Variants in RABGAP1L observed in about 807,000 individuals in gnomAD.
RABGAP1L encodes the protein rab GTPase-activating protein 1-like.
A neutral mutation model predicts 137.7 loss-of-function variants in RABGAP1L; 63 were observed. That is an observed-to-expected ratio of 0.46 (90% CI 0.37 to 0.56). The LOEUF (loss-of-function observed/expected upper bound fraction) is 0.56. RABGAP1L is among the 20% of genes least tolerant of loss of function. The pLI, the probability that RABGAP1L is intolerant of heterozygous loss-of-function variation, is 0.00. For synonymous variants in RABGAP1L, 431 were observed against 433.7 expected (o/e 0.99, Z 0.08); for missense variants, 1,095 against 1,244.0 (o/e 0.88, Z 1.80).
chr1:174,672,266 T>A (rs778913216), intron 14 of RABGAP1L, among the ~76,000 whole-genome samples: 65 of 32,694 alleles, frequency 2.0e-3, no homozygotes, highest in African/African-American at 8.8e-3. Context: ...ATTTCATTGA[T>A]TTTTTTTTTC....
At chr1:174,946,938 ATATGTGTG>A (rs1353826182) in intron 19 of RABGAP1L, among the ~76,000 whole-genome samples, 19 of 65,376 alleles carry the variant, frequency 2.9e-4, no homozygotes, top group East Asian at 1.4e-3. Context: ...ATATATATAT[ATATGTGTG>A]TGTGTGTGTG....
chr1:174,659,904 C>T (rs1481621544), intron 14 of RABGAP1L, among the ~76,000 whole-genome samples: 2 of 152,162 alleles, frequency 1.3e-5, no homozygotes, highest in Non-Finnish European at 2.9e-5. Flanking sequence ...GTTTCTTCCT[C>T]TTACACTACA....
intron 18 of RABGAP1L, chr1:174,800,116 T>G: frequency 3.6e-6 from 5 of 1,371,478 alleles, no homozygotes; most frequent in Non-Finnish European, 4.7e-6. Context: ...GATCAGTACT[T>G]GATTTCATTT....
intron 13 of RABGAP1L, among the ~76,000 whole-genome samples, chr1:174,632,245 G>C (rs1431440250): frequency 2.1e-5 from 3 of 144,186 alleles, no homozygotes; most frequent in Admixed American, 6.9e-5. Context: ...GGCTTGTAGG[G>C]TTTCTGCCGA....
intron 1 of RABGAP1L, among the ~76,000 whole-genome samples, chr1:174,169,174 GGTATCACACACA>G (rs1442159119): frequency 2.0e-5 from 3 of 151,880 alleles, no homozygotes; most frequent in Non-Finnish European, 4.4e-5. Context: ...TGTTGCAGTT[GGTATCACACACA>G]ATAAATTAGC....
At chr1:174,290,805 A>T (rs1676524478) in intron 10 of RABGAP1L, among the ~76,000 whole-genome samples, 1 of 147,832 alleles carries the variant, frequency 6.8e-6, no homozygotes, top group Non-Finnish European at 1.5e-5. Context: ...CCTGTTGCCC[A>T]GGCTGAAGTG....
intron 14 of RABGAP1L, among the ~76,000 whole-genome samples, chr1:174,668,103 A>T (rs527420881): frequency 6.6e-6 from 1 of 152,348 alleles, no homozygotes; most frequent in African/African-American, 2.4e-5. Flanking sequence ...CAAGGTAAAC[A>T]TCCAAAAACC....
chr1:174,383,469 C>T (rs555405500), intron 12 of RABGAP1L, among the ~76,000 whole-genome samples: 10 of 152,276 alleles, frequency 6.6e-5, no homozygotes, highest in Admixed American at 6.5e-4. Context: ...CCCTCTGAGC[C>T]AGGTGTGGGA....
chr1:174,574,646 C>T (rs112481164), intron 13 of RABGAP1L, among the ~76,000 whole-genome samples: 23 of 152,056 alleles, frequency 1.5e-4, no homozygotes, highest in African/African-American at 4.8e-4. Flanking sequence ...GTTTTTTTAA[C>T]TTAAAAAGAG....
At chr1:174,410,080 C>A (rs143730058) in intron 13 of RABGAP1L, among the ~76,000 whole-genome samples, 1 of 152,100 alleles carries the variant, frequency 6.6e-6, no homozygotes, top group African/African-American at 2.4e-5. Flanking sequence ...CACCCCCTCC[C>A]CTTTTGAAGT....
intron 10 of RABGAP1L, among the ~76,000 whole-genome samples, chr1:174,285,049 T>C (rs1675936419): frequency 6.6e-6 from 1 of 152,076 alleles, no homozygotes; most frequent in Non-Finnish European, 1.5e-5. Context: ...GGAGTGTTGC[T>C]CTTGTTGCCC....
chr1:174,806,320 G>A (rs1365118853), intron 18 of RABGAP1L, among the ~76,000 whole-genome samples: 1 of 152,182 alleles, frequency 6.6e-6, no homozygotes, highest in African/African-American at 2.4e-5. Flanking sequence ...TAGTATGTGT[G>A]CAGGCATGGT....
chr1:174,238,257 T>G (rs1414444525), intron 4 of RABGAP1L, among the ~76,000 whole-genome samples: 2 of 152,228 alleles, frequency 1.3e-5, no homozygotes, highest in Non-Finnish European at 2.9e-5. Context: ...GTCTGAAGCC[T>G]TCTTCTCTCA....
chr1:174,958,110 CCT>C (rs1170719569), intron 20 of RABGAP1L: 2 of 1,508,050 alleles, frequency 1.3e-6, no homozygotes, highest in African/African-American at 2.8e-5. Context: ...TTCAAACTTG[CCT>C]CTGTCTGTAG....
At chr1:174,597,950 G>A (rs1447593482) in intron 13 of RABGAP1L, among the ~76,000 whole-genome samples, 3 of 152,122 alleles carry the variant, frequency 2.0e-5, no homozygotes, top group Non-Finnish European at 4.4e-5. Flanking sequence ...CTATGTGTTT[G>A]TATAGTTTCC....
chr1:174,573,751 ATTGAAT>A (rs1039854082), intron 13 of RABGAP1L, among the ~76,000 whole-genome samples: 2 of 120,322 alleles, frequency 1.7e-5, no homozygotes, highest in Non-Finnish European at 1.6e-5. Context: ...ATAATAAACT[ATTGAAT>A]GCAAAAAAAA....
intron 10 of RABGAP1L, among the ~76,000 whole-genome samples, chr1:174,295,704 C>A (rs1161918284): frequency 6.8e-6 from 1 of 146,818 alleles, no homozygotes; most frequent in Non-Finnish European, 1.5e-5. Flanking sequence ...TTTTTGGTAG[C>A]AGTGGGGTCT....
intron 14 of RABGAP1L, among the ~76,000 whole-genome samples, chr1:174,661,284 C>G (rs1287105406): frequency 2.6e-5 from 4 of 152,100 alleles, no homozygotes; most frequent in South Asian, 2.1e-4. Flanking sequence ...AAAATACATG[C>G]TGAGTTTGAA....
chr1:174,463,549 A>G (rs937916066), intron 13 of RABGAP1L, among the ~76,000 whole-genome samples: 7 of 152,132 alleles, frequency 4.6e-5, no homozygotes, highest in Admixed American at 2.6e-4. Flanking sequence ...ATTAGGAGAT[A>G]TACCTAATGC....
Sources: gnomAD v4.1 joint callset for allele counts (sites outside exome capture counted in the v4.1 genomes callset) on GRCh38, gnomAD v4.1.1 for gene constraint, MANE v1.5 for transcripts, NCBI Gene and HGNC (gene_info 2026-07-23, HGNC 2026-07-21) for gene names.